The following JAK1 variants were observed in gnomAD, a reference collection of about 807,000 sequenced individuals.
The protein encoded by JAK1 is tyrosine-protein kinase JAK1.
In JAK1, 16 loss-of-function variants were observed where a neutral mutation model predicts 136.6. The ratio of observed to expected loss-of-function variants is 0.12; its 90% CI spans 0.08 to 0.18. The LOEUF is 0.18. Among genes scored for constraint, JAK1 ranks in the 10% least tolerant of loss-of-function variants. The pLI is 1.00. For missense variants in JAK1, 859 were observed against 1,450.1 expected, an observed-to-expected ratio of 0.59 and a Z score of 6.62; for synonymous variants, 492 against 519.5, an observed-to-expected ratio of 0.95 and a Z score of 0.72.
intron 2 of JAK1, among the ~76,000 whole-genome samples, chr1:65,006,327 TTTTC>T (rs1356077542): frequency 6.6e-6 from 1 of 152,230 alleles, no homozygotes; most frequent in African/African-American, 2.4e-5. Context: ...GCTTCATGGC[TTTTC>T]TTTAATTAAA....
At chr1:64,890,039 C>A (rs562135751) in intron 1 of JAK1, among the ~76,000 whole-genome samples, 1 of 152,246 alleles carries the variant, frequency 6.6e-6, no homozygotes, top group East Asian at 1.9e-4. Flanking sequence ...GTAGAAAATA[C>A]AACTAAAATG....
At chr1:65,048,321 C>T (rs912726943) in intron 1 of JAK1, among the ~76,000 whole-genome samples, 1 of 152,146 alleles carries the variant, frequency 6.6e-6, no homozygotes, top group Non-Finnish European at 1.5e-5. Flanking sequence ...TGTAAAATAC[C>T]AGACACACAG....
intron 1 of JAK1, among the ~76,000 whole-genome samples, chr1:65,053,624 G>A (rs1418731423): frequency 6.6e-6 from 1 of 152,232 alleles, no homozygotes; most frequent in Admixed American, 6.5e-5. Flanking sequence ...GCCAAAGCAG[G>A]AGGATTGCTT....
intron 1 of JAK1, among the ~76,000 whole-genome samples, chr1:64,915,202 C>T (rs892717806): frequency 2.6e-5 from 4 of 152,174 alleles, no homozygotes; most frequent in African/African-American, 9.6e-5. Flanking sequence ...AAATATAGTA[C>T]ATATTTTTAA....
chr1:64,985,212 A>T, intron 2 of JAK1: 1 of 1,585,888 alleles, frequency 6.3e-7, no homozygotes, highest in Non-Finnish European at 8.7e-7. Context: ...ACCCTTAAAG[A>T]TTCCTGTTGA....
rs139659752 is a variant in JAK1, at chr1:64,855,506, A to T, written c.1648+3T>A. The stretch of plus-strand genomic sequence containing the variant: ...AGCCTGGCTCTGGCACAGGGAGACG[A>T]ACCTCGGGGCTTGGGCTGGCAGCAG... On this transcript the variant is annotated splice_donor_region_variant and intron_variant, in intron 11 of 24. Transcript: ENST00000342505. 6.2e-6 allele frequency: 10 copies of T among 1,613,670 alleles called. No homozygotes were observed. Among genetic ancestry groups the T allele is most frequent in the Admixed American group, 1.7e-5 (1 of 59,998 alleles).
chr1:64,857,144 C>A (rs1279216449), intron 10 of JAK1, among the ~76,000 whole-genome samples: 1 of 152,184 alleles, frequency 6.6e-6, no homozygotes, highest in African/African-American at 2.4e-5. Context: ...AAAGACATCT[C>A]TATTCATTGT....
intron 1 of JAK1, among the ~76,000 whole-genome samples, chr1:64,944,545 A>G (rs931446510): frequency 6.6e-6 from 1 of 152,206 alleles, no homozygotes; most frequent in Non-Finnish European, 1.5e-5. Flanking sequence ...AGGGTTGTTG[A>G]CTAACAAGAC....
intron 1 of JAK1, among the ~76,000 whole-genome samples, chr1:64,928,809 A>AAAAAAAAAAAAT: frequency 7.0e-6 from 1 of 143,862 alleles, no homozygotes; most frequent in Non-Finnish European, 1.5e-5. Context: ...AAAAAAAAAA[A>AAAAAAAAAAAAT]CTCTGCAAAA....
At chr1:64,881,958 AC>A (rs1644780355) in intron 3 of JAK1, among the ~76,000 whole-genome samples, 1 of 152,248 alleles carries the variant, frequency 6.6e-6, no homozygotes, top group Admixed American at 6.5e-5. Context: ...CTTAAAAAAA[AC>A]TTTAGAACCA....
At chr1:65,015,693 G>A (rs1434580510) in intron 2 of JAK1, among the ~76,000 whole-genome samples, 4 of 152,034 alleles carry the variant, frequency 2.6e-5, no homozygotes, top group Admixed American at 6.6e-5. Context: ...ATTTTAAAAC[G>A]GAAATATAAC....
chr1:64,836,032 C>T (rs1270714233), intron 23 of JAK1, 66 bp downstream of exon 23: 7 of 836,974 alleles, frequency 8.4e-6, no homozygotes, highest in Middle Eastern at 2.3e-4. Context: ...AAAAGTTAAC[C>T]AAGCAGAGGG....
rs1301763158 is a variant in JAK1 at position 64,838,318 on chromosome 1, G to A, written c.2967+147C>T. 7 of 905,290 alleles carry A rather than the reference G, an allele frequency of 7.7e-6. No individual in the cohort carries two copies. The African/African-American group carries it at 1.0e-4, about 13-fold the overall frequency. The allele number at this position is 905,290 out of a possible 1,614,324, so 56.1% of individuals were successfully genotyped here. ...TTTAAATCCGTTTACTTTCTTAGTAGAAGCTAACTTTTCATCTAAATAATG... is the reference window on the plus strand; with the variant it reads ...TTTAAATCCGTTTACTTTCTTAGTAAAAGCTAACTTTTCATCTAAATAATG... On this transcript the variant is annotated intron_variant, in intron 21 of 24. Transcript: ENST00000342505.
intron 2 of JAK1, among the ~76,000 whole-genome samples, chr1:65,018,487 AACAC>A (rs556710090): frequency 1.1e-3 from 109 of 96,016 alleles, no homozygotes; most frequent in Admixed American, 3.0e-3. Context: ...AGAGAGAGAG[AACAC>A]ACACACACAC....
rs1023411502 is a variant in JAK1 at position 64,834,342 on chromosome 1, G to GTGTC, written c.*216_*219dup. 57 of 388,160 alleles carry GTGTC rather than the reference G, an allele frequency of 1.5e-4. No individual in the cohort carries two copies. The highest frequency in any genetic ancestry group is 1.1e-3 in the African/African-American group (56 of 49,980). The allele number at this position is 388,160 out of a possible 1,614,324, so 24.0% of individuals were successfully genotyped here. On this transcript the variant is annotated 3_prime_UTR_variant, in exon 25 of 25. Coordinates refer to ENST00000342505, the MANE Select transcript of JAK1 (RefSeq NM_002227.4). ...TTTCAAATATTTTGGTTGTCATTAT[G>GTGTC]TGTCACTAAGTTACTGGTACCAAAT...
chr1:64,985,305 G>T, intron 2 of JAK1: 1 of 1,610,440 alleles, frequency 6.2e-7, no homozygotes, highest in Non-Finnish European at 8.5e-7. Flanking sequence ...TCGGTAGCTG[G>T]ATACTCTAAA....
chr1:65,037,512 C>T (rs764545531), intron 2 of JAK1, among the ~76,000 whole-genome samples: 42 of 152,154 alleles, frequency 2.8e-4, no homozygotes, highest in Non-Finnish European at 4.1e-4. Flanking sequence ...ATAGAATTTT[C>T]AAGTTTCAGA....
intron 1 of JAK1, among the ~76,000 whole-genome samples, chr1:64,925,486 T>C (rs530012643): frequency 6.6e-6 from 1 of 152,262 alleles, no homozygotes; most frequent in South Asian, 2.1e-4. Context: ...AAACTGTGTA[T>C]ACATCATGGC....
At chr1:64,858,228 G>A (rs915777119) in intron 9 of JAK1, among the ~76,000 whole-genome samples, 2 of 152,182 alleles carry the variant, frequency 1.3e-5, no homozygotes, top group Non-Finnish European at 1.5e-5. Flanking sequence ...GAATACATCA[G>A]TGAGGACTGG....
Sources: gnomAD v4.1 joint callset for allele counts (sites outside exome capture counted in the v4.1 genomes callset) on GRCh38, gnomAD v4.1.1 for gene constraint, MANE v1.5 for transcripts, NCBI Gene and HGNC (gene_info 2026-07-23, HGNC 2026-07-21) for gene names.